Variants in ZNF609 observed in about 807,000 individuals in gnomAD.
ZNF609 encodes zinc finger protein 609.
In ZNF609, 11 loss-of-function variants were observed where a neutral mutation model predicts 109.5. The observed-to-expected ratio is 0.10, with a 90% confidence interval of 0.06 to 0.17. The LOEUF (loss-of-function observed/expected upper bound fraction) is 0.17. ZNF609 is among the 10% of genes least tolerant of loss of function. ZNF609 has a pLI of 1.00. For missense variants in ZNF609, 1,559 were observed against 1,772.4 expected, an observed-to-expected ratio of 0.88 and a Z score of 2.16; for synonymous variants, 646 against 662.0, an observed-to-expected ratio of 0.98 and a Z score of 0.37.
chr15:64,673,883 A>G, intron 4 of ZNF609, 33 bp from the exon 5 acceptor site: 1 of 1,576,254 alleles, frequency 6.3e-7, no homozygotes, highest in South Asian at 1.2e-5. Context: ...TTCTCTTCTT[A>G]ATAATATTCT....
intron 3 of ZNF609, among the ~76,000 whole-genome samples, chr15:64,669,435 G>A (rs946712716): frequency 1.3e-5 from 2 of 152,140 alleles, no homozygotes; most frequent in African/African-American, 2.4e-5. Flanking sequence ...TGTGTATATT[G>A]CTATCATTTA....
At chr15:64,668,422 T>C (rs1896680358) in intron 3 of ZNF609, among the ~76,000 whole-genome samples, 1 of 152,026 alleles carries the variant, frequency 6.6e-6, no homozygotes, top group African/African-American at 2.4e-5. Context: ...TCTTTTTGTC[T>C]CTAATATCCC....
In ZNF609 at chr15:64,460,621, G is replaced by A; in HGVS notation, c.-345G>A. The A allele has an allele frequency of 6.2e-6, 1 of 160,930 alleles. No individual in the cohort carries two copies. Among genetic ancestry groups the A allele is most frequent in the Non-Finnish European group, 1.3e-5 (1 of 75,530 alleles). The allele number at this position is 160,930 out of a possible 1,614,324, so 10.0% of individuals were successfully genotyped here. ...CGGCGGCGGCGGTGGCGGCGGCTGA[G>A]GGACCCGCGGCCCCGGACACAGCGG... is the stretch of plus-strand genomic sequence containing the variant. On this transcript the variant is annotated 5_prime_UTR_variant, in exon 1 of 10. Transcript: ENST00000326648.
intron 2 of ZNF609, among the ~76,000 whole-genome samples, chr15:64,591,195 C>T (rs1363576043): frequency 6.6e-6 from 1 of 152,038 alleles, no homozygotes; most frequent in African/African-American, 2.4e-5. Flanking sequence ...TTTGGGAGAC[C>T]AAGGCTGGCG....
At chr15:64,616,752 C>T (rs576061193) in intron 2 of ZNF609, among the ~76,000 whole-genome samples, 104 of 140,540 alleles carry the variant, frequency 7.4e-4, no homozygotes, top group African/African-American at 2.6e-3. Context: ...ATCTCCTGAC[C>T]TTGTGATCCA....
chr15:64,537,582 G>A (rs8036485), intron 2 of ZNF609, among the ~76,000 whole-genome samples: 36,554 of 151,768 alleles, frequency 0.24, 7,156 homozygotes, highest in African/African-American at 0.53. Flanking sequence ...AAATACTAGA[G>A]CTGTATTACA....
chr15:64,466,605 A>G (rs1438901364), intron 1 of ZNF609, among the ~76,000 whole-genome samples: 1 of 152,212 alleles, frequency 6.6e-6, no homozygotes, highest in African/African-American at 2.4e-5. Flanking sequence ...GCAGTGATCT[A>G]CCTAAAGCTA....
chr15:64,648,875 T>C (rs1041325253), intron 3 of ZNF609, among the ~76,000 whole-genome samples: 1 of 152,052 alleles, frequency 6.6e-6, no homozygotes, highest in East Asian at 1.9e-4. Context: ...GGGATTATAT[T>C]GGAGTCTGAA....
chr15:64,593,278 A>G (rs1595731359), intron 2 of ZNF609: 22 of 1,515,566 alleles, frequency 1.5e-5, no homozygotes, highest in Non-Finnish European at 1.8e-5. Flanking sequence ...CCCCACCCCG[A>G]TTTAGACCTG....
intron 2 of ZNF609, among the ~76,000 whole-genome samples, chr15:64,584,250 G>C (rs1895158834): frequency 6.6e-6 from 1 of 152,122 alleles, no homozygotes; most frequent in South Asian, 2.1e-4. Flanking sequence ...TTGAGTCTAG[G>C]AGTTTGACAC....
At position 64,670,272 on chromosome 15, in the gene ZNF609, C is replaced by T. The variant is rs572430016; in HGVS notation, c.974-74C>T. 41 of 1,224,000 alleles carry T rather than the reference C, an allele frequency of 3.3e-5. 1 individual carries two copies. The East Asian group carries it at 8.4e-4, about 25-fold the overall frequency. The allele number at this position is 1,224,000 out of a possible 1,614,324, so 75.8% of individuals were successfully genotyped here. A position where few individuals can be genotyped will look rare whatever the true frequency, so the allele number is the denominator to read the frequency against. On this transcript the variant is annotated intron_variant, in intron 3 of 9. Coordinates refer to ENST00000326648, the MANE Select transcript of ZNF609 (RefSeq NM_015042.2). ...AAACCCTCTTATAGAAGTCAGAGTG[C>T]TGATCAAAAGAATACTATTCTCAGT... is the stretch of plus-strand genomic sequence containing the variant.
intron 1 of ZNF609, among the ~76,000 whole-genome samples, chr15:64,492,756 A>C (rs1218224862): frequency 6.6e-6 from 1 of 152,226 alleles, no homozygotes; most frequent in Non-Finnish European, 1.5e-5. Context: ...CCTCCATCTT[A>C]TAATGAGAAA....
At chr15:64,478,851 A>G (rs550383310) in intron 1 of ZNF609, among the ~76,000 whole-genome samples, 2 of 152,302 alleles carry the variant, frequency 1.3e-5, no homozygotes, top group East Asian at 3.9e-4. Context: ...ACCTATGCTT[A>G]AGTAGTACAT....
chr15:64,552,437 T>A (rs1390382339), intron 2 of ZNF609, among the ~76,000 whole-genome samples: 3 of 152,292 alleles, frequency 2.0e-5, no homozygotes, highest in Middle Eastern at 3.4e-3. Flanking sequence ...AGTGACGCGA[T>A]CTTGGCTCAC....
At position 64,638,089 on chromosome 15, in the gene ZNF609, A is replaced by G. The variant is rs150379220; in HGVS notation, c.973+15037A>G. Among the ~76,000 whole-genome samples, 1,226 of 146,688 alleles carry G rather than the reference A, an allele frequency of 8.4e-3. 20 individuals are homozygous for G. The highest frequency in any genetic ancestry group is 0.029 in the African/African-American group (1,179 of 40,664). On this transcript the variant is annotated intron_variant, in intron 3 of 9. Coordinates refer to ENST00000326648, the MANE Select transcript of ZNF609 (RefSeq NM_015042.2). ...ATCTATCTGGAATTTATTTTTGTTTAGGATGTAAGTTGGAAGTCAAGATTC... is the reference window on the plus strand; with the variant it reads ...ATCTATCTGGAATTTATTTTTGTTTGGGATGTAAGTTGGAAGTCAAGATTC...
At chr15:64,538,769 C>G (rs144094476) in intron 2 of ZNF609, among the ~76,000 whole-genome samples, 3 of 152,168 alleles carry the variant, frequency 2.0e-5, no homozygotes, top group African/African-American at 7.2e-5. Context: ...TGGTCTTGAA[C>G]TCCCGACCTC....
chr15:64,615,358 G>A (rs374840054), intron 2 of ZNF609, among the ~76,000 whole-genome samples: 1 of 149,672 alleles, frequency 6.7e-6, no homozygotes, highest in Non-Finnish European at 1.5e-5. Flanking sequence ...GCCCAGGCTG[G>A]TCTGAAACTC....
At chr15:64,543,255 CTTTTT>C (rs77646116) in intron 2 of ZNF609, among the ~76,000 whole-genome samples, 77 of 113,300 alleles carry the variant, frequency 6.8e-4, no homozygotes, top group African/African-American at 2.4e-3. Context: ...TTTGTTGTTG[CTTTTT>C]TTTTTTTTTT....
chr15:64,519,562 T>G lies in ZNF609; in HGVS notation c.747+19396T>G, dbSNP rs777484533. 4.6e-5 allele frequency among the ~76,000 whole-genome samples: 7 copies of G among 152,290 alleles called. No homozygotes were observed. The Middle Eastern group carries it at 0.01, about 222-fold the overall frequency. The stretch of plus-strand genomic sequence containing the variant: ...TATAGAACTTGCTTGGTTCTGTAGT[T>G]AGAATTGGTTTTATTGGATTGAGGC... On this transcript the variant is annotated intron_variant, in intron 2 of 9. Transcript: ENST00000326648.
Sources: allele counts gnomAD v4.1 joint callset (sites outside exome capture counted in the v4.1 genomes callset), GRCh38; gene constraint gnomAD v4.1.1; transcripts MANE v1.5; gene names NCBI Gene and HGNC (gene_info 2026-07-23, HGNC 2026-07-21).